Variants in BCL7B observed in about 807,000 individuals in gnomAD.
BCL7B encodes the protein B-cell CLL/lymphoma 7 protein family member B.
Under a neutral mutation model 26.5 loss-of-function variants are expected in BCL7B, and 11 were observed. The observed-to-expected ratio is 0.42, with a 90% CI of 0.26 to 0.69. The LOEUF (loss-of-function observed/expected upper bound fraction) is 0.69. Among genes scored for constraint, BCL7B ranks in the 30% least tolerant of loss-of-function variants. The pLI, the probability that BCL7B is intolerant of heterozygous loss-of-function variation, is 0.28. For missense variants in BCL7B, 215 were observed against 264.4 expected, an observed-to-expected ratio of 0.81 and a Z score of 1.30; for synonymous variants, 111 against 107.9, an observed-to-expected ratio of 1.03 and a Z score of -0.18.
At chr7:73,553,669 T>G (rs1466164995) in intron 1 of BCL7B, 1 of 153,398 alleles carries the variant, frequency 6.5e-6, no homozygotes, top group African/African-American at 2.4e-5. Flanking sequence ...CGAGATTCCG[T>G]CTCAAAAAAA....
At chr7:73,554,247 GC>G (rs1554584495) in intron 1 of BCL7B, among the ~76,000 whole-genome samples, 1 of 151,744 alleles carries the variant, frequency 6.6e-6, no homozygotes, top group East Asian at 1.9e-4. Flanking sequence ...ACAGGTGTGA[GC>G]CACCGTGCCC....
At chr7:73,547,382 G>C (rs1554583579) in intron 2 of BCL7B, among the ~76,000 whole-genome samples, 1 of 152,142 alleles carries the variant, frequency 6.6e-6, no homozygotes, top group Non-Finnish European at 1.5e-5. Flanking sequence ...ACTATTTCTT[G>C]AGCTCAGGAA....
chr7:73,543,783 A>T, intron 2 of BCL7B, 139 bp from the exon 3 acceptor site: 1 of 642,554 alleles, frequency 1.6e-6, no homozygotes, highest in Non-Finnish European at 2.7e-6. Context: ...GAATCCAAGG[A>T]CCCAAGGAAG....
intron 2 of BCL7B, among the ~76,000 whole-genome samples, chr7:73,544,431 C>T (rs1791882761): frequency 6.7e-6 from 1 of 150,224 alleles, no homozygotes; most frequent in Non-Finnish European, 1.5e-5. Context: ...TAAAATAAAA[C>T]AAAAAATAAA....
At chr7:73,543,936 A>G (rs1483807233) in intron 2 of BCL7B, 1 of 234,922 alleles carries the variant, frequency 4.3e-6, no homozygotes, top group Non-Finnish European at 8.4e-6. Flanking sequence ...GCCCTGATCA[A>G]ATTGCGCCAG....
At chr7:73,551,694 G>A (rs1563431521) in intron 2 of BCL7B, among the ~76,000 whole-genome samples, 1 of 152,158 alleles carries the variant, frequency 6.6e-6, no homozygotes, top group Non-Finnish European at 1.5e-5. Context: ...TTGGGTTAAG[G>A]GAAAGGAATA....
intron 3 of BCL7B, 117 bp from the exon 4 acceptor site, chr7:73,540,169 T>A: frequency 9.2e-7 from 1 of 1,089,904 alleles, no homozygotes; most frequent in East Asian, 2.6e-5. Context: ...CAACTGAGTA[T>A]AATAATCATT....
chr7:73,540,930 T>C (rs1285739239), intron 3 of BCL7B, among the ~76,000 whole-genome samples: 4 of 149,106 alleles, frequency 2.7e-5, no homozygotes, highest in Admixed American at 2.0e-4. Flanking sequence ...GCGGATCACT[T>C]GAGGTCAGAA....
At chr7:73,557,027 A>C in intron 1 of BCL7B, 1 of 987,392 alleles carries the variant, frequency 1.0e-6, no homozygotes, top group Non-Finnish European at 1.2e-6. Flanking sequence ...AGATGGACTA[A>C]CCCAGAAACT....
Position 73,537,256 on chromosome 7 carries a change from A to G in BCL7B, c.*42T>C. The G allele has an allele frequency of 2.5e-6, 4 of 1,601,696 alleles. No homozygotes were observed. In the South Asian group the frequency reaches 3.3e-5, roughly 13 times the overall value. On this transcript the variant is annotated 3_prime_UTR_variant, in exon 6 of 6. Transcript: ENST00000223368. ...GCGGCGCGGCCAGAACCAGAATGCA[A>G]TAAATAGAGGCAGGGCCAGGAGGCG...
intron 2 of BCL7B, among the ~76,000 whole-genome samples, chr7:73,549,517 A>G (rs1554583848): frequency 1.3e-5 from 2 of 152,202 alleles, no homozygotes; most frequent in African/African-American, 4.8e-5. Flanking sequence ...CATCTCTAAA[A>G]AAGGAAAAAG....
intron 2 of BCL7B, among the ~76,000 whole-genome samples, chr7:73,548,958 A>C (rs1030787300): frequency 2.0e-5 from 3 of 152,062 alleles, no homozygotes; most frequent in South Asian, 2.1e-4. Context: ...AACAAAAAAA[A>C]CTCCAAAAAA....
At position 73,537,278 on chromosome 7, in the gene BCL7B, G is replaced by A. The variant is rs782342027; in HGVS notation, c.*20C>T. On this transcript the variant is annotated 3_prime_UTR_variant, in exon 6 of 6. Transcript: ENST00000223368. Reference sequence around the variant, plus strand: ...GCAATAAATAGAGGCAGGGCCAGGAGGCGGAGGGCCGGGATGGTGCTAGCT... The same window carrying A: ...GCAATAAATAGAGGCAGGGCCAGGAAGCGGAGGGCCGGGATGGTGCTAGCT... 21 of 1,612,848 alleles carry A rather than the reference G, an allele frequency of 1.3e-5. No homozygotes were observed. Among genetic ancestry groups the A allele is most frequent in the Non-Finnish European group, 1.8e-5 (21 of 1,179,072 alleles).
At chr7:73,539,834 A>G in intron 4 of BCL7B, 48 bp downstream of exon 4, 1 of 1,593,928 alleles carries the variant, frequency 6.3e-7, no homozygotes, top group South Asian at 1.1e-5. Context: ...ACAAGAGCAG[A>G]AAGCAAGGCC....
At chr7:73,542,026 C>T (rs1370885475) in intron 3 of BCL7B, among the ~76,000 whole-genome samples, 1 of 152,220 alleles carries the variant, frequency 6.6e-6, no homozygotes, top group East Asian at 1.9e-4. Context: ...GCCCTACCTC[C>T]CTGGCTCGCA....
intron 2 of BCL7B, among the ~76,000 whole-genome samples, chr7:73,551,307 T>C (rs1215558009): frequency 4.6e-5 from 7 of 152,140 alleles, no homozygotes; most frequent in African/African-American, 1.7e-4. Context: ...TTTGTTTGTT[T>C]GCTTATTTTC....
Position 73,537,238 on chromosome 7 carries a change from G to A in BCL7B, c.*60C>T, listed in dbSNP as rs1791568624. On this transcript the variant is annotated 3_prime_UTR_variant, in exon 6 of 6. Transcript: ENST00000223368. Reference sequence around the variant, plus strand: ...TGCCCTTACCCCAGCAACGCGGCGCGGCCAGAACCAGAATGCAATAAATAG... The same window carrying A: ...TGCCCTTACCCCAGCAACGCGGCGCAGCCAGAACCAGAATGCAATAAATAG... The A allele has an allele frequency of 1.2e-5, 18 of 1,555,330 alleles. No individual in the cohort carries two copies. Among genetic ancestry groups the A allele is most frequent in the African/African-American group, 2.7e-5 (2 of 73,824 alleles).
At chr7:73,550,543 C>CA (rs540283746) in intron 2 of BCL7B, among the ~76,000 whole-genome samples, 28 of 148,988 alleles carry the variant, frequency 1.9e-4, no homozygotes, top group Admixed American at 6.0e-4. Flanking sequence ...GAGTCCGTCT[C>CA]AAAAAAACAA....
chr7:73,539,534 G>A (rs1352277413), intron 4 of BCL7B, among the ~76,000 whole-genome samples: 4 of 152,216 alleles, frequency 2.6e-5, no homozygotes, highest in Non-Finnish European at 5.9e-5. Context: ...TTACAGGTGT[G>A]AGCCACCATG....
Sources: allele counts gnomAD v4.1 joint callset (sites outside exome capture counted in the v4.1 genomes callset), GRCh38; gene constraint gnomAD v4.1.1; transcripts MANE v1.5; gene names NCBI Gene and HGNC (gene_info 2026-07-23, HGNC 2026-07-21).